NIN: variants seen among roughly 807,000 people sequenced by gnomAD.
NIN encodes ninein.
In NIN, 137 loss-of-function variants were observed where a neutral mutation model predicts 257.6. The ratio of observed to expected loss-of-function variants is 0.53; its 90% CI spans 0.46 to 0.61. The LOEUF (loss-of-function observed/expected upper bound fraction) is 0.61. Ranked by LOEUF, NIN falls within the 20% of genes least tolerant of loss-of-function variation. NIN has a pLI of 0.00. For synonymous variants in NIN, 918 were observed against 919.8 expected (o/e 1.00, Z 0.04); for missense variants, 2,439 against 2,501.2 (o/e 0.98, Z 0.53).
intron 4 of NIN, among the ~76,000 whole-genome samples, chr14:50,803,171 G>A (rs2044171112): frequency 6.6e-6 from 1 of 152,148 alleles, no homozygotes; most frequent in African/African-American, 2.4e-5. Context: ...GGCCAAAATG[G>A]TGAAACCCCA....
At chr14:50,725,840 T>C in intron 30 of NIN, 113 bp downstream of exon 30, 1 of 1,573,422 alleles carries the variant, frequency 6.4e-7, no homozygotes, top group South Asian at 1.1e-5. Flanking sequence ...TATAATAGAA[T>C]TTGCCTTTAT....
chr14:50,757,961 C>A lies in NIN; in HGVS notation c.3069G>T (p.Gln1023His), dbSNP rs745915298. Residue 1023 changes from glutamine (Q) to histidine (H), a missense_variant, in exon 18 of 31, where the codon CAG (glutamine) becomes CAT (histidine). Gln to His is a conservative substitution (Grantham distance 24). This residue lies in a region of NIN where 2,043 missense variants were observed against 2,050.2 expected (regional missense o/e 1.00). Transcript: ENST00000530997. ...SRLQSKIKEM[Q>H]QATSPLSMLQ... ...GCATTGAGAGAGGAGATGTTGCCTG[C>A]TGCATTTCCTTTATTTTACTCTGAA... is the stretch of plus-strand genomic sequence containing the variant. 1.2e-6 allele frequency: 2 copies of A among 1,614,200 alleles called. No individual in the cohort carries two copies. Among genetic ancestry groups the A allele is most frequent in the Non-Finnish European group, 1.7e-6 (2 of 1,180,038 alleles).
At chr14:50,738,394 T>C in intron 26 of NIN, 108 bp from the exon 27 acceptor site, 1 of 905,408 alleles carries the variant, frequency 1.1e-6, no homozygotes, top group South Asian at 1.7e-5. Context: ...CTGTTTAACA[T>C]CCTTTTTCAA....
intron 25 of NIN, among the ~76,000 whole-genome samples, chr14:50,741,268 CA>C (rs532535345): frequency 6.6e-6 from 1 of 151,352 alleles, no homozygotes; most frequent in East Asian, 1.9e-4. Flanking sequence ...TTGCTCAATA[CA>C]AAAAAAAGAC....
chr14:50,797,042 A>C (rs1396957694), intron 4 of NIN, among the ~76,000 whole-genome samples: 2 of 152,238 alleles, frequency 1.3e-5, no homozygotes, highest in Admixed American at 1.3e-4. Flanking sequence ...CAAAAACATA[A>C]GCTCAGGACC....
chr14:50,803,916 A>C (rs1056490718), intron 4 of NIN, among the ~76,000 whole-genome samples: 7 of 103,312 alleles, frequency 6.8e-5, no homozygotes, highest in Non-Finnish European at 1.4e-4. Context: ...TTTTTTTTTG[A>C]GATGGAGTCT....
intron 12 of NIN, among the ~76,000 whole-genome samples, chr14:50,767,096 G>A (rs913405622): frequency 1.3e-5 from 2 of 152,118 alleles, no homozygotes; most frequent in African/African-American, 4.8e-5. Context: ...TTTTGTTTTT[G>A]ACCACGTAGA....
intron 20 of NIN, 146 bp from the exon 21 acceptor site, chr14:50,752,879 A>C: frequency 2.0e-6 from 1 of 509,990 alleles, no homozygotes; most frequent in Non-Finnish European, 3.4e-6. Context: ...AATAATACAC[A>C]CTCATTATTA....
chr14:50,741,893 A>G (rs1490280127), intron 24 of NIN, 165 bp from the exon 25 acceptor site: 8 of 610,954 alleles, frequency 1.3e-5, no homozygotes, highest in Non-Finnish European at 2.2e-5. Context: ...GACAGTAGGT[A>G]TATTTACAGG....
intron 4 of NIN, among the ~76,000 whole-genome samples, chr14:50,794,169 T>C (rs2142043423): frequency 6.6e-6 from 1 of 152,352 alleles, no homozygotes; most frequent in Middle Eastern, 3.4e-3. Context: ...GCGACCCTCT[T>C]TGACTAAACA....
At chr14:50,740,049 T>C (rs527768856) in intron 25 of NIN, among the ~76,000 whole-genome samples, 2 of 152,306 alleles carry the variant, frequency 1.3e-5, no homozygotes, top group South Asian at 4.1e-4. Context: ...AAGTGATTTT[T>C]TGGATCTTGA....
At chr14:50,775,721 T>A (rs1422296398) in intron 7 of NIN, among the ~76,000 whole-genome samples, 2 of 152,222 alleles carry the variant, frequency 1.3e-5, no homozygotes, top group African/African-American at 4.8e-5. Context: ...GTAGCTACAG[T>A]TTATTCCAAG....
chr14:50,811,475 A>G (rs1481199764), intron 3 of NIN, among the ~76,000 whole-genome samples: 1 of 151,786 alleles, frequency 6.6e-6, no homozygotes, highest in African/African-American at 2.4e-5. Flanking sequence ...ATGATCAAGA[A>G]CAATCTAGTT....
rs538877216 is a variant in NIN at position 50,788,765 on chromosome 14, G to A, written c.435+3947C>T. Among the ~76,000 whole-genome samples the A allele has an allele frequency of 2.0e-5, 3 of 152,296 alleles. No individual in the cohort carries two copies. In the East Asian group the frequency reaches 5.8e-4, roughly 29 times the overall value. ...CTTGGGGACAGTTTTTATAGGAGTT[G>A]TGACACTGTTCCATTCCACTGCCCA... On this transcript the variant is annotated intron_variant, in intron 5 of 30. Transcript: ENST00000530997.
chr14:50,778,558 T>C (rs2043007308), intron 6 of NIN, among the ~76,000 whole-genome samples: 1 of 152,222 alleles, frequency 6.6e-6, no homozygotes, highest in Non-Finnish European at 1.5e-5. Flanking sequence ...GTAAGTAAAA[T>C]TATATATCTT....
At position 50,735,867 on chromosome 14, in the gene NIN, G is replaced by GT. The variant is rs556452394; in HGVS notation, c.5776-251dup. 5.8e-3 allele frequency among the ~76,000 whole-genome samples: 880 copies of GT among 152,254 alleles called. 8 individuals carry two copies. Among genetic ancestry groups the GT allele is most frequent in the African/African-American group, 0.019 (810 of 41,544 alleles). ...CTTTTAAACTTGGATGCCACCCACT[G>GT]TAAGAAATACGTTTTATCTTACAAC... On this transcript the variant is annotated intron_variant, in intron 27 of 30. Coordinates refer to ENST00000530997, the MANE Select transcript of NIN (RefSeq NM_020921.4).
intron 6 of NIN, among the ~76,000 whole-genome samples, chr14:50,778,253 C>T (rs1384537646): frequency 6.6e-6 from 1 of 152,236 alleles, no homozygotes; most frequent in Non-Finnish European, 1.5e-5. Flanking sequence ...TCACGGCTCA[C>T]TACAGCCTCC....
chr14:50,830,713 C>T (rs1761322428), intron 1 of NIN, 196 bp from the exon 2 acceptor site: 1 of 70,036 alleles, frequency 1.4e-5, no homozygotes, highest in African/African-American at 5.0e-5. Flanking sequence ...GCGCATCCTC[C>T]CCGCCCCCGC....
At chr14:50,811,266 G>A (rs974425570) in intron 3 of NIN, among the ~76,000 whole-genome samples, 2 of 151,624 alleles carry the variant, frequency 1.3e-5, no homozygotes, top group Admixed American at 1.3e-4. Context: ...CCACCACCAC[G>A]CCCAGCTAAT....
Sources: gnomAD v4.1 joint callset for allele counts (sites outside exome capture counted in the v4.1 genomes callset) on GRCh38, gnomAD v4.1.1 for gene constraint, gnomAD v4.1.1 regional missense constraint, MANE v1.5 for transcripts, NCBI Gene and HGNC (gene_info 2026-07-23, HGNC 2026-07-21) for gene names.